AKR1C8: variants seen among roughly 807,000 people sequenced by gnomAD.
AKR1C8 encodes the protein aldo-keto reductase family 1 member C-like protein 1.
the AKR1C8 span, among the ~76,000 whole-genome samples, chr10:5,138,988 A>T: frequency 1.3e-5 from 2 of 152,164 alleles, no homozygotes; most frequent in Non-Finnish European, 2.9e-5. Context: ...AATGAGCAAA[A>T]ATCACAAGCA....
chr10:5,123,914 A>G, the AKR1C8 span: 12 of 1,292,976 alleles, frequency 9.3e-6, no homozygotes, highest in South Asian at 9.6e-5. Context: ...AGGTGAATAA[A>G]TATGTGTAGC....
the AKR1C8 span, among the ~76,000 whole-genome samples, chr10:5,132,450 G>A: frequency 5.9e-5 from 9 of 152,120 alleles, no homozygotes; most frequent in Non-Finnish European, 1.2e-4. Context: ...ATCATTTGCC[G>A]CCTTTTATTT....
chr10:5,143,238 C>T, the AKR1C8 span, among the ~76,000 whole-genome samples: 1 of 152,146 alleles, frequency 6.6e-6, no homozygotes, highest in Admixed American at 6.5e-5. Context: ...AGCTTGCTCT[C>T]TCTCTCCTGA....
the AKR1C8 span, among the ~76,000 whole-genome samples, chr10:5,145,524 A>G: frequency 6.6e-6 from 1 of 152,202 alleles, no homozygotes; most frequent in Non-Finnish European, 1.5e-5. Flanking sequence ...AACCCCATCA[A>G]AAAGTGGGCA....
At chr10:5,145,258 G>A in the AKR1C8 span, among the ~76,000 whole-genome samples, 1 of 152,110 alleles carries the variant, frequency 6.6e-6, no homozygotes, top group African/African-American at 2.4e-5. Flanking sequence ...AGAAAACCTA[G>A]GCAATACCAT....
the AKR1C8 span, among the ~76,000 whole-genome samples, chr10:5,145,415 C>G: frequency 6.6e-6 from 1 of 151,986 alleles, no homozygotes; most frequent in East Asian, 1.9e-4. Context: ...AGGCAACCTA[C>G]AAAATGGGAG....
At chr10:5,141,708 T>C in the AKR1C8 span, among the ~76,000 whole-genome samples, 1 of 152,186 alleles carries the variant, frequency 6.6e-6, no homozygotes. Context: ...TCAACAGTAA[T>C]ATTTTGAAAG....
the AKR1C8 span, among the ~76,000 whole-genome samples, chr10:5,144,832 T>G: frequency 5.3e-5 from 8 of 152,206 alleles, no homozygotes; most frequent in Non-Finnish European, 1.2e-4. Context: ...ACAATTTGAC[T>G]TCCTCTTTTC....
chr10:5,178,652 A>G, the AKR1C8 span, among the ~76,000 whole-genome samples: 1 of 152,136 alleles, frequency 6.6e-6, no homozygotes, highest in African/African-American at 2.4e-5. Context: ...TGCTTTATGA[A>G]TCTGGGTGCT....
the AKR1C8 span, chr10:5,123,636 GGAAA>G: frequency 2.2e-6 from 3 of 1,368,052 alleles, no homozygotes; most frequent in African/African-American, 4.3e-5. Flanking sequence ...GTAAACTCCA[GGAAA>G]GAGAGTACCA....
At chr10:5,154,146 T>C in the AKR1C8 span, 1 of 470,224 alleles carries the variant, frequency 2.1e-6, no homozygotes, top group Non-Finnish European at 4.4e-6. Context: ...ATGGTCAATA[T>C]TCTTCAGAAA....
chr10:5,117,393 C>G, the AKR1C8 span, among the ~76,000 whole-genome samples: 1 of 152,060 alleles, frequency 6.6e-6, no homozygotes, highest in Admixed American at 6.6e-5. Flanking sequence ...TATCCACCCT[C>G]AATCGAGGAT....
chr10:5,122,197 T>G, the AKR1C8 span: 1 of 346,580 alleles, frequency 2.9e-6, no homozygotes, highest in Non-Finnish European at 6.0e-6. Context: ...CACATTCACC[T>G]TTCCCAGGAC....
the AKR1C8 span, among the ~76,000 whole-genome samples, chr10:5,132,929 C>T: frequency 6.6e-6 from 1 of 152,206 alleles, no homozygotes; most frequent in East Asian, 1.9e-4. Flanking sequence ...GTCTTTCCTG[C>T]TTAGTAATAA....
the AKR1C8 span, among the ~76,000 whole-genome samples, chr10:5,174,316 A>G: frequency 6.6e-6 from 1 of 151,978 alleles, no homozygotes; most frequent in Non-Finnish European, 1.5e-5. Flanking sequence ...ACCTAAAAAA[A>G]AAACCACCAA....
the AKR1C8 span, among the ~76,000 whole-genome samples, chr10:5,166,294 G>A: frequency 3.3e-5 from 5 of 151,908 alleles, no homozygotes; most frequent in African/African-American, 1.2e-4. Flanking sequence ...CTACTTTAAA[G>A]TTCATATGGA....
At chr10:5,139,802 G>A in the AKR1C8 span, among the ~76,000 whole-genome samples, 19 of 151,874 alleles carry the variant, frequency 1.3e-4, no homozygotes, top group African/African-American at 4.6e-4. Context: ...TAGACAAATG[G>A]GATCTAGTTA....
the AKR1C8 span, among the ~76,000 whole-genome samples, chr10:5,174,917 A>G: frequency 6.6e-6 from 1 of 152,132 alleles, no homozygotes; most frequent in Admixed American, 6.6e-5. Flanking sequence ...ATTAAAAAAT[A>G]TTACATGTTT....
the AKR1C8 span, among the ~76,000 whole-genome samples, chr10:5,168,311 C>T: frequency 1.3e-5 from 2 of 151,966 alleles, no homozygotes; most frequent in African/African-American, 4.8e-5. Flanking sequence ...AAATGACCCC[C>T]CAGAAAACCC....
Sources: gnomAD v4.1 joint callset for allele counts (sites outside exome capture counted in the v4.1 genomes callset) on GRCh38, gnomAD v4.1.1 for gene constraint, MANE v1.5 for transcripts, NCBI Gene and HGNC (gene_info 2026-07-23, HGNC 2026-07-21) for gene names.